CTNNA1: variants seen among roughly 807,000 people sequenced by gnomAD.
The protein encoded by CTNNA1 is catenin alpha 1, also known as catenin alpha-1.
CTNNA1 carries 37 observed loss-of-function variants against 98.4 expected under a neutral mutation model. The observed-to-expected ratio is 0.38, with a 90% CI of 0.29 to 0.49. The LOEUF is 0.49. Ranked by LOEUF, CTNNA1 falls within the 20% of genes least tolerant of loss-of-function variation. The pLI, the probability that CTNNA1 is intolerant of heterozygous loss-of-function variation, is 0.95. For synonymous variants in CTNNA1, 404 were observed against 413.2 expected (o/e 0.98, Z 0.27); for missense variants, 761 against 1,147.2 (o/e 0.66, Z 4.86).
At chr5:138,875,547 G>A (rs1581393806) in intron 7 of CTNNA1, 2 of 985,486 alleles carry the variant, frequency 2.0e-6, no homozygotes, top group Non-Finnish European at 2.4e-6. Context: ...AGTGTAGGAA[G>A]CAGCAGTGAG....
At chr5:138,775,711 T>C (rs1308511644) in intron 1 of CTNNA1, among the ~76,000 whole-genome samples, 1 of 148,704 alleles carries the variant, frequency 6.7e-6, no homozygotes, top group Non-Finnish European at 1.5e-5. Flanking sequence ...TCTGGAAATA[T>C]TTCTTTTTTT....
intron 1 of CTNNA1, among the ~76,000 whole-genome samples, chr5:138,776,687 C>A (rs1754248914): frequency 6.6e-6 from 1 of 150,936 alleles, no homozygotes; most frequent in Admixed American, 6.6e-5. Flanking sequence ...ACCCCCCCAC[C>A]TCCCTCCCGG....
intron 3 of CTNNA1, among the ~76,000 whole-genome samples, chr5:138,808,904 A>G (rs947814135): frequency 6.6e-5 from 10 of 152,150 alleles, no homozygotes; most frequent in Non-Finnish European, 1.0e-4. Flanking sequence ...AAGAGTGGCA[A>G]TGGGCACTGT....
chr5:138,889,717 C>A (rs925283884), intron 9 of CTNNA1, among the ~76,000 whole-genome samples: 7 of 149,414 alleles, frequency 4.7e-5, no homozygotes, highest in Non-Finnish European at 8.9e-5. Flanking sequence ...TCTCTCCACA[C>A]CCCCACACGT....
rs115161477 is a variant in CTNNA1 at position 138,849,228 on chromosome 5, T to C, written c.1062+21510T>C. 9.8e-3 allele frequency among the ~76,000 whole-genome samples: 1,486 copies of C among 152,354 alleles called. 25 individuals carry two copies. The highest frequency in any genetic ancestry group is 0.034 in the African/African-American group (1,394 of 41,586). On this transcript the variant is annotated intron_variant, in intron 7 of 17. Coordinates refer to ENST00000302763, the MANE Select transcript of CTNNA1 (RefSeq NM_001903.5). Reference sequence around the variant, plus strand: ...GAATACTGTAACTATTCATGTAGTTTCATGTTCATTTTTTATAAGTTGTAT... The same window carrying C: ...GAATACTGTAACTATTCATGTAGTTCCATGTTCATTTTTTATAAGTTGTAT...
intron 7 of CTNNA1, among the ~76,000 whole-genome samples, chr5:138,877,673 A>T (rs971622004): frequency 3.9e-4 from 59 of 151,832 alleles, no homozygotes; most frequent in African/African-American, 1.4e-3. Flanking sequence ...GGTCTCGATC[A>T]CCTGACCTCA....
intron 5 of CTNNA1, among the ~76,000 whole-genome samples, chr5:138,823,003 T>A (rs1760190017): frequency 6.6e-6 from 1 of 152,250 alleles, no homozygotes; most frequent in Non-Finnish European, 1.5e-5. Context: ...TTTCTGTTAC[T>A]GTTTACACAT....
At chr5:138,835,675 G>A (rs1010113402) in intron 7 of CTNNA1, among the ~76,000 whole-genome samples, 14 of 152,034 alleles carry the variant, frequency 9.2e-5, no homozygotes, top group African/African-American at 3.4e-4. Context: ...GGTATACAAG[G>A]TGATATTTAG....
At position 138,925,259 on chromosome 5, in the gene CTNNA1, T is replaced by A; in HGVS notation, c.1751T>A (p.Met584Lys). The A allele has an allele frequency of 6.2e-7, 1 of 1,613,866 alleles. No individual in the cohort carries two copies. Among genetic ancestry groups the A allele is most frequent in the Non-Finnish European group, 8.5e-7 (1 of 1,179,948 alleles). The change falls in exon 13 of 18, where the codon ATG (methionine) becomes AAG (lysine). Residue 584 changes from methionine (M) to lysine (K), a missense_variant. Around this residue, in one of 6 missense-constraint regions of CTNNA1, gnomAD observed 287 missense variants for 436.0 expected, o/e 0.66. Transcript: ENST00000302763. The part of the protein sequence containing the change: ...EATKLLSNTV[M>K]PRFTEQVEAA... The stretch of plus-strand genomic sequence containing the variant: ...TACTGTGCCTCTTTCTCCACAGTCA[T>A]GCCACGTTTTACTGAGCAAGTAGAA...
Position 138,820,324 on chromosome 5 carries a change from A to G in CTNNA1, c.589-4206A>G, listed in dbSNP as rs114050810. ...ACTAGGAGCAAGACACACTCCAGCC[A>G]TGGTTCCATTTCCAAGATGGTATAG... On this transcript the variant is annotated intron_variant, in intron 5 of 17. Coordinates refer to ENST00000302763, the MANE Select transcript of CTNNA1 (RefSeq NM_001903.5). 2.3e-3 allele frequency among the ~76,000 whole-genome samples: 344 copies of G among 152,060 alleles called. 1 individual carries two copies. The highest frequency in any genetic ancestry group is 8.0e-3 in the African/African-American group (333 of 41,474).
At chr5:138,838,785 T>C (rs1762022967) in intron 7 of CTNNA1, among the ~76,000 whole-genome samples, 2 of 152,112 alleles carry the variant, frequency 1.3e-5, no homozygotes, top group South Asian at 2.1e-4. Flanking sequence ...ATTTTTATTT[T>C]TTTGTTGTTG....
intron 9 of CTNNA1, among the ~76,000 whole-genome samples, chr5:138,890,148 G>A (rs1177712972): frequency 6.6e-6 from 1 of 152,194 alleles, no homozygotes; most frequent in East Asian, 1.9e-4. Context: ...AGGGAAGTGA[G>A]AGTGCTATAT....
rs1424254509 is a variant in CTNNA1, at chr5:138,934,259, A to G, written c.*170A>G. 3 of 578,076 alleles carry G rather than the reference A, an allele frequency of 5.2e-6. No individual in the cohort carries two copies. Among genetic ancestry groups the G allele is most frequent in the South Asian group, 4.8e-5 (2 of 41,440 alleles). The allele number at this position is 578,076 out of a possible 1,614,324, so 35.8% of individuals were successfully genotyped here. A position where few individuals can be genotyped will look rare whatever the true frequency, so the allele number is the denominator to read the frequency against. On this transcript the variant is annotated 3_prime_UTR_variant, in exon 18 of 18. Transcript: ENST00000302763. Reference sequence around the variant, plus strand: ...TCCAAGAACATAGTTTAAGTTGATTAAAAATGCTTTTAGAATGCAGGAGCC... The same window carrying G: ...TCCAAGAACATAGTTTAAGTTGATTGAAAATGCTTTTAGAATGCAGGAGCC...
At chr5:138,802,943 A>G (rs1378708354) in intron 3 of CTNNA1, among the ~76,000 whole-genome samples, 1 of 148,184 alleles carries the variant, frequency 6.7e-6, no homozygotes, top group East Asian at 2.0e-4. Flanking sequence ...GATTACAGGC[A>G]TGCACCGCCA....
rs575417154 is a variant in CTNNA1 at position 138,933,911 on chromosome 5, G to T, written c.2543G>T (p.Gly848Val). The T allele has an allele frequency of 6.2e-7, 1 of 1,614,196 alleles. No individual in the cohort carries two copies. The highest frequency in any genetic ancestry group is 8.5e-7 in the Non-Finnish European group (1 of 1,180,044). ...TCTACCAAATACCAAAAGTCACAGGGTATGGCTTCCCTCAACCTTCCTGCT... is the reference window on the plus strand; with the variant it reads ...TCTACCAAATACCAAAAGTCACAGGTTATGGCTTCCCTCAACCTTCCTGCT... Reference protein sequence around the residue: ...VASTKYQKSQGMASLNLPAVS... With the variant: ...VASTKYQKSQVMASLNLPAVS... The change falls in exon 18 of 18, where the codon GGT (glycine) becomes GTT (valine). Residue 848 changes from glycine (G) to valine (V), a missense_variant. Coordinates refer to ENST00000302763, the MANE Select transcript of CTNNA1 (RefSeq NM_001903.5).
At chr5:138,835,690 A>G (rs1376804524) in intron 7 of CTNNA1, among the ~76,000 whole-genome samples, 1 of 152,202 alleles carries the variant, frequency 6.6e-6, no homozygotes, top group African/African-American at 2.4e-5. Flanking sequence ...ATTTAGATAT[A>G]CATAGTTAAA....
chr5:138,857,488 A>T (rs80183771), intron 7 of CTNNA1, among the ~76,000 whole-genome samples: 6,397 of 151,930 alleles, frequency 0.042, 211 homozygotes, highest in African/African-American at 0.089. Context: ...AAAAAAAAAA[A>T]TTTTTTTAAA....
At chr5:138,890,664 G>C (rs1392148910) in intron 9 of CTNNA1, among the ~76,000 whole-genome samples, 2 of 152,132 alleles carry the variant, frequency 1.3e-5, no homozygotes, top group African/African-American at 4.8e-5. Context: ...TCAGTGTTCA[G>C]AGTTTTTATT....
intron 7 of CTNNA1, among the ~76,000 whole-genome samples, chr5:138,831,135 A>G (rs991037153): frequency 6.6e-6 from 1 of 152,094 alleles, no homozygotes; most frequent in Non-Finnish European, 1.5e-5. Context: ...GGATTCTCTC[A>G]TGTTGTTATT....
Sources: gnomAD v4.1 joint callset for allele counts (sites outside exome capture counted in the v4.1 genomes callset) on GRCh38, gnomAD v4.1.1 for gene constraint, gnomAD v4.1.1 regional missense constraint, MANE v1.5 for transcripts, NCBI Gene and HGNC (gene_info 2026-07-23, HGNC 2026-07-21) for gene names.